The following TRIO variants were observed in gnomAD, a reference collection of about 807,000 sequenced individuals.
TRIO encodes trio Rho guanine nucleotide exchange factor, also known as triple functional domain protein.
A neutral mutation model predicts 351.9 loss-of-function variants in TRIO; 58 were observed. The observed-to-expected ratio is 0.16, with a 90% CI of 0.13 to 0.21. The LOEUF is 0.21. TRIO is among the 10% of genes least tolerant of loss of function. The pLI, the probability that TRIO is intolerant of heterozygous loss-of-function variation, is 1.00. For missense variants in TRIO, 3,201 were observed against 4,027.8 expected, an observed-to-expected ratio of 0.79 and a Z score of 5.56; for synonymous variants, 1,758 against 1,595.7, an observed-to-expected ratio of 1.10 and a Z score of -2.42.
Position 14,368,867 on chromosome 5 carries a change from G to A in TRIO, c.3034G>A (p.Ala1012Thr). 1 of 1,614,092 alleles carries A rather than the reference G, an allele frequency of 6.2e-7. No homozygotes were observed. The highest frequency in any genetic ancestry group is 8.5e-7 in the Non-Finnish European group (1 of 1,180,024). The stretch of plus-strand genomic sequence containing the variant: ...GGAAGATCGCCTCAAGCTCGTCAAC[G>A]CCTCTGTCGCTTTCTACAAAACCTC... ...KMEDRLKLVN[A>T]SVAFYKTSEQ... Residue 1012 changes from alanine to threonine, a missense_variant, in exon 17 of 57, where the codon GCC (alanine) becomes ACC (threonine). This residue lies in a region of TRIO where 363 missense variants were observed against 553.5 expected (regional missense o/e 0.66). Coordinates refer to ENST00000344204, the MANE Select transcript of TRIO (RefSeq NM_007118.4).
intron 18 of TRIO, 111 bp downstream of exon 18, chr5:14,369,634 T>C (rs1457144497): frequency 5.9e-6 from 8 of 1,361,568 alleles, no homozygotes; most frequent in Non-Finnish European, 7.8e-6. Context: ...TCTTGCCTGC[T>C]GTGGAATGTA....
At chr5:14,228,333 C>A (rs1273743555) in intron 1 of TRIO, among the ~76,000 whole-genome samples, 1 of 152,320 alleles carries the variant, frequency 6.6e-6, no homozygotes, top group East Asian at 1.9e-4. Context: ...GAGACTGTTC[C>A]CTGCCGGGGG....
chr5:14,286,386 T>A lies in TRIO; in HGVS notation c.348-485T>A, dbSNP rs78227760. 0.078 allele frequency among the ~76,000 whole-genome samples: 11,791 copies of A among 150,520 alleles called. 521 individuals are homozygous for A. The highest frequency in any genetic ancestry group is 0.083 in the African/African-American group (3,392 of 40,882). Reference sequence around the variant, plus strand: ...CATTGCCAGCCATGCTAGTGGGGGGTCATTTTCAGCACCTGGGGTGCTGGG... The same window carrying A: ...CATTGCCAGCCATGCTAGTGGGGGGACATTTTCAGCACCTGGGGTGCTGGG... On this transcript the variant is annotated intron_variant, in intron 3 of 56. Coordinates refer to ENST00000344204, the MANE Select transcript of TRIO (RefSeq NM_007118.4). The surrounding 1 kb of genome is among the most constrained non-coding windows in gnomAD (Gnocchi z 4.4).
At position 14,235,826 on chromosome 5, in the gene TRIO, TAAAA is replaced by T. The variant is rs373166268; in HGVS notation, c.158-34994_158-34991del. 4.9e-4 allele frequency among the ~76,000 whole-genome samples: 74 copies of T among 152,142 alleles called. No individual in the cohort carries two copies. In the East Asian group the frequency reaches 0.012, roughly 25 times the overall value. On this transcript the variant is annotated intron_variant, in intron 1 of 56. Transcript: ENST00000344204. ...AAAACTGTACATTTTAATTTTTAATTAAAAAAAATTTTTTTTATTAGAGTTGGGG... is the reference window on the plus strand; with the variant it reads ...AAAACTGTACATTTTAATTTTTAATTAAAATTTTTTTTATTAGAGTTGGGG...
chr5:14,431,918 A>G (rs1339792396), intron 34 of TRIO, among the ~76,000 whole-genome samples: 5 of 152,188 alleles, frequency 3.3e-5, no homozygotes, highest in African/African-American at 1.2e-4. Context: ...AACACCAGTC[A>G]GGTTGGATCA....
chr5:14,304,719 TTTAA>T (rs1331802098), intron 8 of TRIO, 127 bp downstream of exon 8: 28 of 1,108,074 alleles, frequency 2.5e-5, no homozygotes, highest in Non-Finnish European at 3.3e-5. Flanking sequence ...TAGACTGCAG[TTTAA>T]TTGTTTAGCA....
intron 1 of TRIO, among the ~76,000 whole-genome samples, chr5:14,257,733 T>C (rs957403428): frequency 3.3e-5 from 5 of 152,264 alleles, no homozygotes; most frequent in African/African-American, 1.2e-4. Context: ...TTTAAAAATA[T>C]GTCTATTTGT....
intron 34 of TRIO, among the ~76,000 whole-genome samples, chr5:14,441,843 G>C (rs1222571527): frequency 6.6e-6 from 1 of 152,188 alleles, no homozygotes; most frequent in Non-Finnish European, 1.5e-5. Context: ...TACAAAGTTA[G>C]CTGGGGAGAG....
chr5:14,501,482 C>T (rs910961070), intron 53 of TRIO, among the ~76,000 whole-genome samples: 6 of 152,176 alleles, frequency 3.9e-5, no homozygotes, highest in Non-Finnish European at 5.9e-5. Context: ...AGTCATGTAG[C>T]GGTCAGCAGT....
chr5:14,405,405 C>T (rs1366856886), intron 31 of TRIO, among the ~76,000 whole-genome samples: 2 of 152,330 alleles, frequency 1.3e-5, no homozygotes, highest in Middle Eastern at 3.4e-3. Flanking sequence ...GCAGCTGCGC[C>T]GCTGTTCCCT....
At chr5:14,392,269 C>T (rs897523206) in intron 27 of TRIO, among the ~76,000 whole-genome samples, 13 of 151,062 alleles carry the variant, frequency 8.6e-5, no homozygotes, top group East Asian at 7.7e-4. Context: ...AAAAAGTGGG[C>T]GAAGGATATG....
intron 37 of TRIO, among the ~76,000 whole-genome samples, chr5:14,468,376 G>A (rs1370488741): frequency 2.6e-5 from 4 of 152,298 alleles, no homozygotes; most frequent in South Asian, 2.1e-4. Flanking sequence ...CTTCAGCCTC[G>A]GAGACTGTCT....
chr5:14,400,742 C>G (rs937707323), intron 30 of TRIO, among the ~76,000 whole-genome samples: 1 of 152,158 alleles, frequency 6.6e-6, no homozygotes. Flanking sequence ...GCACTGGGGT[C>G]TCCAGTAAGA....
At position 14,488,322 on chromosome 5, in the gene TRIO, C is replaced by T. The variant is rs1192987995; in HGVS notation, c.7632+62C>T. The T allele has an allele frequency of 8.8e-6, 13 of 1,479,480 alleles. No homozygotes were observed. The South Asian group carries it at 1.4e-4, about 16-fold the overall frequency. The allele number at this position is 1,479,480 out of a possible 1,614,324, so 91.6% of individuals were successfully genotyped here. ...CTGCCTCTGTCCCGCCAGCTCTAAA[C>T]GCCACCGCGGCTGTTCTCACTAACT... On this transcript the variant is annotated intron_variant, in intron 48 of 56. Coordinates refer to ENST00000344204, the MANE Select transcript of TRIO (RefSeq NM_007118.4).
chr5:14,476,799 AAAAAGAAAAAAAG>A, intron 40 of TRIO, 82 bp from the exon 41 acceptor site: 1 of 1,143,114 alleles, frequency 8.7e-7, no homozygotes, highest in Non-Finnish European at 1.2e-6. Context: ...CTCAAAAAAA[AAAAAGAAAAAAAG>A]AAAAAGAAAA....
rs56044349 is a variant in TRIO, at chr5:14,225,792, ACC to A, written c.158-45023_158-45022del. 3.8e-5 allele frequency among the ~76,000 whole-genome samples: 3 copies of A among 78,130 alleles called. 1 individual carries two copies. In the East Asian group the frequency reaches 1.3e-3, roughly 34 times the overall value. The allele number at this position is 78,130 out of a possible 152,430, so 51.3% of individuals were successfully genotyped here. A position where few individuals can be genotyped will look rare whatever the true frequency, so the allele number is the denominator to read the frequency against. ...CTATCCCATCATATTCACTGCTCCC[ACC>A]CCCCCCCCCACCTCCAAGCCCAAAA... On this transcript the variant is annotated intron_variant, in intron 1 of 56. Transcript: ENST00000344204.
Position 14,474,107 on chromosome 5 carries a change from C to G in TRIO, c.6083+10C>G, listed in dbSNP as rs1312949737. On this transcript the variant is annotated intron_variant, in intron 40 of 56. Coordinates refer to ENST00000344204, the MANE Select transcript of TRIO (RefSeq NM_007118.4). The stretch of plus-strand genomic sequence containing the variant: ...ACGACTGGCACAGAGAGTACGTAAA[C>G]ATGCATTGTGCCCGATGGTGTGCAA... 1 of 1,610,138 alleles carries G rather than the reference C, an allele frequency of 6.2e-7. No individual in the cohort carries two copies. Among genetic ancestry groups the G allele is most frequent in the Non-Finnish European group, 8.5e-7 (1 of 1,176,850 alleles).
In TRIO at chr5:14,457,721, A is replaced by T. The variant is rs555702182; in HGVS notation, c.5204-3298A>T. Among the ~76,000 whole-genome samples, 7 of 152,226 alleles carry T rather than the reference A, an allele frequency of 4.6e-5. No individual in the cohort carries two copies. The South Asian group carries it at 1.5e-3, about 32-fold the overall frequency. On this transcript the variant is annotated intron_variant, in intron 34 of 56. Coordinates refer to ENST00000344204, the MANE Select transcript of TRIO (RefSeq NM_007118.4). ...GCAGAGGCCGCTGGATCTGCTGAAC[A>T]GTAGGGAGGTCTGTGTGCTTCAGGG... is the stretch of plus-strand genomic sequence containing the variant.
At chr5:14,159,723 C>T (rs375853420) in intron 1 of TRIO, among the ~76,000 whole-genome samples, 1 of 152,224 alleles carries the variant, frequency 6.6e-6, no homozygotes, top group East Asian at 1.9e-4. Context: ...CCACCACACC[C>T]AGCTCATTTA....
Sources: gnomAD v4.1 joint callset for allele counts (sites outside exome capture counted in the v4.1 genomes callset) on GRCh38, gnomAD v4.1.1 for gene constraint, gnomAD v4.1.1 regional missense constraint, Gnocchi (gnomAD v3.1) non-coding constraint, MANE v1.5 for transcripts, NCBI Gene and HGNC (gene_info 2026-07-23, HGNC 2026-07-21) for gene names.